The following EIF2B3 variants were observed in gnomAD, a reference collection of about 807,000 sequenced individuals.
EIF2B3 encodes the protein translation initiation factor eIF2B subunit gamma.
In EIF2B3, 20 loss-of-function variants were observed where a neutral mutation model predicts 54.1. That is an observed-to-expected ratio of 0.37 (90% CI 0.26 to 0.54). The LOEUF (loss-of-function observed/expected upper bound fraction) is 0.54, where lower values mean the gene tolerates loss of function less well. Among genes scored for constraint, EIF2B3 ranks in the 20% least tolerant of loss-of-function variants. The pLI is 0.86. For missense variants in EIF2B3, 448 were observed against 547.8 expected, an observed-to-expected ratio of 0.82 and a Z score of 1.82; for synonymous variants, 153 against 188.1, an observed-to-expected ratio of 0.81 and a Z score of 1.52.
chr1:44,923,052 T>C (rs1643784271), intron 5 of EIF2B3, among the ~76,000 whole-genome samples: 1 of 152,086 alleles, frequency 6.6e-6, no homozygotes, highest in African/African-American at 2.4e-5. Context: ...ATAGAAATAC[T>C]ACTGATTTTC....
At chr1:44,973,244 C>A (rs1644420368) in intron 3 of EIF2B3, among the ~76,000 whole-genome samples, 1 of 152,308 alleles carries the variant, frequency 6.6e-6, no homozygotes, top group Admixed American at 6.5e-5. Flanking sequence ...AATATTTGTA[C>A]ATCCATATTC....
chr1:44,865,216 T>TAAAAAAAAAAAA (rs57763807), intron 10 of EIF2B3, among the ~76,000 whole-genome samples: 58 of 140,068 alleles, frequency 4.1e-4, no homozygotes, highest in Non-Finnish European at 5.1e-4. Context: ...GACTCCATCT[T>TAAAAAAAAAAAA]AAAAAAAAAA....
chr1:44,945,660 T>C (rs1281159978), intron 3 of EIF2B3, among the ~76,000 whole-genome samples: 1 of 149,426 alleles, frequency 6.7e-6, no homozygotes, highest in Non-Finnish European at 1.5e-5. Context: ...TCAGACCACA[T>C]ACATACAAAC....
At chr1:44,979,858 C>T (rs1346828029) in intron 2 of EIF2B3, among the ~76,000 whole-genome samples, 9 of 152,014 alleles carry the variant, frequency 5.9e-5, no homozygotes, top group South Asian at 2.1e-4. Context: ...CCCAGGTACT[C>T]GGGAGACTGA....
chr1:44,876,277 T>A (rs1454290431), intron 8 of EIF2B3, among the ~76,000 whole-genome samples: 1 of 146,616 alleles, frequency 6.8e-6, no homozygotes, highest in Non-Finnish European at 1.5e-5. Flanking sequence ...TCTTCCCCGC[T>A]GCCATCCCAT....
At chr1:44,975,088 T>C (rs1487651301) in intron 3 of EIF2B3, among the ~76,000 whole-genome samples, 1 of 152,060 alleles carries the variant, frequency 6.6e-6, no homozygotes, top group African/African-American at 2.4e-5. Flanking sequence ...CATGGTAGCA[T>C]GTGCCTGTAG....
chr1:44,984,795 A>ACCTTTTTTTTTTTTTTTTTTT (rs1557718626), intron 1 of EIF2B3, among the ~76,000 whole-genome samples: 1 of 80,470 alleles, frequency 1.2e-5, no homozygotes. Context: ...AATAATGTCC[A>ACCTTTTTTTTTTTTTTTTTTT]TCTTTTTTTT....
chr1:44,963,429 C>T (rs1338388472), intron 3 of EIF2B3, among the ~76,000 whole-genome samples: 2 of 151,894 alleles, frequency 1.3e-5, no homozygotes, highest in Admixed American at 6.6e-5. Flanking sequence ...GCCATCACAC[C>T]TGGCTAACTG....
intron 3 of EIF2B3, among the ~76,000 whole-genome samples, chr1:44,961,594 G>A (rs1260273535): frequency 2.6e-5 from 4 of 152,062 alleles, no homozygotes; most frequent in African/African-American, 2.4e-5. Flanking sequence ...TGGGAAGATC[G>A]CCTTGTTTAT....
At chr1:44,980,387 C>A (rs1220688050) in intron 2 of EIF2B3, among the ~76,000 whole-genome samples, 1 of 151,930 alleles carries the variant, frequency 6.6e-6, no homozygotes, top group Non-Finnish European at 1.5e-5. Flanking sequence ...TCACTTGAAC[C>A]CGGGAGAGGT....
chr1:44,888,473 A>ATCTCTCTCTCTCTCTC (rs3044260), intron 6 of EIF2B3, among the ~76,000 whole-genome samples: 117 of 144,532 alleles, frequency 8.1e-4, no homozygotes, highest in African/African-American at 2.7e-3. Flanking sequence ...TGGCTTCTCA[A>ATCTCTCTCTCTCTCTC]TCTCTCTCTC....
chr1:44,879,741 C>A, intron 8 of EIF2B3, 77 bp downstream of exon 8: 1 of 1,496,818 alleles, frequency 6.7e-7, no homozygotes. Flanking sequence ...TTACTATGTA[C>A]CTAATGAAGA....
chr1:44,903,123 T>C (rs1643346845), intron 5 of EIF2B3, among the ~76,000 whole-genome samples: 1 of 152,166 alleles, frequency 6.6e-6, no homozygotes. Context: ...TAAAGAAAGC[T>C]GAACACAAAG....
intron 3 of EIF2B3, among the ~76,000 whole-genome samples, chr1:44,943,368 CTATCTATATCTA>C (rs59247483): frequency 0.21 from 30,911 of 144,386 alleles, 3,595 homozygotes; most frequent in Non-Finnish European, 0.27. Context: ...GCAGGAAGAA[CTATCTATATCTA>C]TATCTATATC....
intron 7 of EIF2B3, 94 bp from the exon 8 acceptor site, chr1:44,880,102 G>T: frequency 7.3e-7 from 1 of 1,376,778 alleles, no homozygotes; most frequent in Non-Finnish European, 1.0e-6. Context: ...TTATTTAAGA[G>T]ACGAGGTCTT....
rs72674089 is a variant in EIF2B3, at chr1:44,875,514, C to T, written c.1053+104G>A. 4.9e-3 allele frequency: 5,090 copies of T among 1,035,294 alleles called. 18 individuals are homozygous for T. The highest frequency in any genetic ancestry group is 6.8e-3 in the Non-Finnish European group (4,491 of 662,408). The allele number at this position is 1,035,294 out of a possible 1,614,324, so 64.1% of individuals were successfully genotyped here. A position where few individuals can be genotyped will look rare whatever the true frequency, so the allele number is the denominator to read the frequency against. On this transcript the variant is annotated intron_variant, in intron 9 of 11. Transcript: ENST00000360403. ...AGAACCCACTGTGATTTCCCTGGGG[C>T]TGATGAGGTTCAGGACTTAAAGGCC...
rs539516422 is a variant in EIF2B3 at position 44,876,055 on chromosome 1, G to A, written c.976-360C>T. On this transcript the variant is annotated intron_variant, in intron 8 of 11. Coordinates refer to ENST00000360403, the MANE Select transcript of EIF2B3 (RefSeq NM_020365.5). The stretch of plus-strand genomic sequence containing the variant: ...CCAGCCTCGGCCTCCCGAGGTGCCG[G>A]GATTGCAGACGGAGTCTGGTTCACT... Among the ~76,000 whole-genome samples, 4 of 152,360 alleles carry A rather than the reference G, an allele frequency of 2.6e-5. No homozygotes were observed. The South Asian group carries it at 8.3e-4, about 32-fold the overall frequency.
rs141988913 is a variant in EIF2B3 at position 44,978,337 on chromosome 1, C to T, written c.272G>A (p.Arg91His). The T allele has an allele frequency of 1.2e-5, 20 of 1,613,906 alleles. No individual in the cohort carries two copies. Among genetic ancestry groups the T allele is most frequent in the African/African-American group, 2.7e-5 (2 of 74,906 alleles). ...CACCTTAAGTTTTGGATATATGTAG[C>T]GCAAAGAATCTGCAGTTCCCATGTC... ...DADMGTADSL[R>H]YIYPKLKTDV... The change falls in exon 3 of 12, where the codon CGC becomes CAC. Residue 91 changes from arginine to histidine, a missense_variant. Transcript: ENST00000360403.
chr1:44,948,904 A>G (rs930692275), intron 3 of EIF2B3, among the ~76,000 whole-genome samples: 3 of 151,348 alleles, frequency 2.0e-5, no homozygotes, highest in East Asian at 3.9e-4. Context: ...TGCCCAGGCT[A>G]TTGCCCAGGC....
Sources: gnomAD v4.1 joint callset for allele counts (sites outside exome capture counted in the v4.1 genomes callset) on GRCh38, gnomAD v4.1.1 for gene constraint, MANE v1.5 for transcripts, NCBI Gene and HGNC (gene_info 2026-07-23, HGNC 2026-07-21) for gene names.